The following HERC4 variants were observed in gnomAD, a reference collection of about 807,000 sequenced individuals.
HERC4 encodes HECT and RLD domain containing E3 ubiquitin protein ligase 4.
A neutral mutation model predicts 124.3 loss-of-function variants in HERC4; 28 were observed. The ratio of observed to expected loss-of-function variants is 0.23; its 90% CI spans 0.17 to 0.31. The LOEUF (loss-of-function observed/expected upper bound fraction) is 0.31. Among genes scored for constraint, HERC4 ranks in the 10% least tolerant of loss-of-function variants. The pLI is 1.00. For missense variants in HERC4, 713 were observed against 1,229.3 expected (o/e 0.58, Z 6.28); for synonymous variants, 407 against 421.5 (o/e 0.97, Z 0.42).
At chr10:68,000,099 C>T (rs1308127198) in intron 9 of HERC4, among the ~76,000 whole-genome samples, 1 of 152,050 alleles carries the variant, frequency 6.6e-6, no homozygotes, top group Non-Finnish European at 1.5e-5. Flanking sequence ...CTCAAGCAAT[C>T]CTCCCGCCTC....
intron 15 of HERC4, among the ~76,000 whole-genome samples, chr10:67,974,789 T>C (rs1189520725): frequency 1.3e-5 from 2 of 152,330 alleles, no homozygotes; most frequent in Non-Finnish European, 2.9e-5. Context: ...TATAACACCA[T>C]TACCCTGCCT....
At chr10:68,064,829 G>T (rs529928382) in intron 3 of HERC4, among the ~76,000 whole-genome samples, 1 of 151,852 alleles carries the variant, frequency 6.6e-6, no homozygotes, top group Admixed American at 6.6e-5. Flanking sequence ...AAAATTAGCT[G>T]GGAGTGGTGG....
intron 9 of HERC4, chr10:67,995,970 A>C: frequency 3.3e-6 from 1 of 299,964 alleles, no homozygotes; most frequent in Non-Finnish European, 6.6e-6. Context: ...TCCACCTGTA[A>C]TACATACTTT....
intron 19 of HERC4, among the ~76,000 whole-genome samples, chr10:67,952,663 C>CCAAG (rs2033877632): frequency 1.3e-5 from 2 of 151,902 alleles, no homozygotes; most frequent in Non-Finnish European, 2.9e-5. Flanking sequence ...CTTTGGAAGG[C>CCAAG]CAAGGCAGGT....
At chr10:68,023,508 TCA>T (rs2038748258) in intron 8 of HERC4, among the ~76,000 whole-genome samples, 1 of 152,132 alleles carries the variant, frequency 6.6e-6, no homozygotes, top group Non-Finnish European at 1.5e-5. Flanking sequence ...GGAGTTAAAT[TCA>T]CAGAGACAGG....
intron 22 of HERC4, among the ~76,000 whole-genome samples, chr10:67,934,942 T>A (rs1465331744): frequency 2.0e-5 from 3 of 151,520 alleles, no homozygotes; most frequent in Admixed American, 6.6e-5. Flanking sequence ...ACAGATTTCA[T>A]TCATTCCAAT....
chr10:67,930,092 C>T (rs1051963784), intron 23 of HERC4, among the ~76,000 whole-genome samples: 1 of 151,910 alleles, frequency 6.6e-6, no homozygotes, highest in African/African-American at 2.4e-5. Context: ...AGGCGTGAGC[C>T]ACCGCGCCCG....
At chr10:67,981,712 C>T (rs1394098685) in intron 15 of HERC4, among the ~76,000 whole-genome samples, 1 of 152,180 alleles carries the variant, frequency 6.6e-6, no homozygotes, top group Non-Finnish European at 1.5e-5. Context: ...AATCCCAGCA[C>T]TTTGGGAGGC....
chr10:67,975,887 G>C (rs1589228461), intron 15 of HERC4, among the ~76,000 whole-genome samples: 1 of 152,044 alleles, frequency 6.6e-6, no homozygotes, highest in African/African-American at 2.4e-5. Flanking sequence ...AAACTGACCA[G>C]AGTTATACTG....
chr10:67,931,381 T>G (rs1218915978), intron 23 of HERC4, among the ~76,000 whole-genome samples: 3 of 152,124 alleles, frequency 2.0e-5, no homozygotes, highest in African/African-American at 7.2e-5. Context: ...GAAACAAAGA[T>G]TTTTAAAAAT....
chr10:67,958,779 C>A (rs2034307155), intron 16 of HERC4, among the ~76,000 whole-genome samples: 1 of 152,120 alleles, frequency 6.6e-6, no homozygotes. Flanking sequence ...TAGGCATTTG[C>A]TAAATTTTAA....
At chr10:68,001,737 G>C (rs2037245470) in intron 9 of HERC4, among the ~76,000 whole-genome samples, 1 of 151,998 alleles carries the variant, frequency 6.6e-6, no homozygotes, top group African/African-American at 2.4e-5. Flanking sequence ...CCTCCCTCTA[G>C]GAACTAGTAA....
At position 67,999,379 on chromosome 10, in the gene HERC4, T is replaced by C. The variant is rs190035271; in HGVS notation, c.1070-6697A>G. On this transcript the variant is annotated intron_variant, in intron 9 of 24. Transcript: ENST00000373700. ...GTAACCTATTAACCAGAGCAGTTTT[T>C]GTCTGCTCTGATGCTTGCCTGAAGA... 2.6e-5 allele frequency among the ~76,000 whole-genome samples: 4 copies of C among 152,350 alleles called. No individual in the cohort carries two copies. In the East Asian group the frequency reaches 7.7e-4, roughly 29 times the overall value.
chr10:68,062,784 A>C (rs2041098310), intron 3 of HERC4, among the ~76,000 whole-genome samples: 3 of 152,042 alleles, frequency 2.0e-5, no homozygotes, highest in Non-Finnish European at 4.4e-5. Context: ...ATAAAAAATA[A>C]AGGACTACCA....
intron 16 of HERC4, among the ~76,000 whole-genome samples, chr10:67,961,990 A>G (rs556273439): frequency 1.3e-5 from 2 of 152,360 alleles, no homozygotes; most frequent in Non-Finnish European, 2.9e-5. Context: ...TTTAGCTAGA[A>G]GGCAATATAA....
chr10:68,053,324 T>A (rs78679383), intron 3 of HERC4, among the ~76,000 whole-genome samples: 124 of 151,764 alleles, frequency 8.2e-4, no homozygotes, highest in Non-Finnish European at 9.0e-4. Context: ...TTTTTTTTTT[T>A]AGACCAGGTC....
intron 9 of HERC4, chr10:68,010,399 CA>C: frequency 1.0e-6 from 1 of 991,374 alleles, no homozygotes; most frequent in Non-Finnish European, 1.6e-6. Flanking sequence ...CCAGCAGCCT[CA>C]AAATCCTCTC....
chr10:68,020,768 CAAAAA>C (rs149936767), intron 8 of HERC4, among the ~76,000 whole-genome samples: 75 of 88,486 alleles, frequency 8.5e-4, no homozygotes, highest in Admixed American at 2.1e-3. Context: ...GACTCCGTCT[CAAAAA>C]AAAAAAAAAA....
intron 19 of HERC4, among the ~76,000 whole-genome samples, chr10:67,944,005 A>G (rs2033129265): frequency 6.6e-6 from 1 of 152,248 alleles, no homozygotes; most frequent in Admixed American, 6.5e-5. Flanking sequence ...TCTGGACCCA[A>G]CTGGGACTGA....
Sources: allele counts gnomAD v4.1 joint callset (sites outside exome capture counted in the v4.1 genomes callset), GRCh38; gene constraint gnomAD v4.1.1; transcripts MANE v1.5; gene names NCBI Gene and HGNC (gene_info 2026-07-23, HGNC 2026-07-21).